Variants in MICAL2 observed in about 807,000 individuals in gnomAD.
MICAL2 encodes microtubule associated monooxygenase, calponin and LIM domain containing 2.
MICAL2 carries 77 observed loss-of-function variants against 127.3 expected under a neutral mutation model. The ratio of observed to expected loss-of-function variants is 0.60; its 90% CI spans 0.50 to 0.73. The LOEUF (loss-of-function observed/expected upper bound fraction) is 0.73, where lower values mean the gene tolerates loss of function less well. MICAL2 is among the 30% of genes least tolerant of loss of function. MICAL2 has a pLI of 0.00. For missense variants in MICAL2, 1,351 were observed against 1,434.4 expected, an observed-to-expected ratio of 0.94 and a Z score of 0.94; for synonymous variants, 570 against 551.1, an observed-to-expected ratio of 1.03 and a Z score of -0.48.
At chr11:12,345,365 G>C (rs1938937806) in intron 32 of MICAL2, among the ~76,000 whole-genome samples, 1 of 152,188 alleles carries the variant, frequency 6.6e-6, no homozygotes, top group South Asian at 2.1e-4. Context: ...TAGCAATGTG[G>C]GCTGGATGAC....
intron 29 of MICAL2, among the ~76,000 whole-genome samples, chr11:12,316,954 C>T (rs763211327): frequency 1.8e-4 from 27 of 152,046 alleles, no homozygotes; most frequent in Admixed American, 9.8e-4. Flanking sequence ...TTTGTTCTAC[C>T]CTGGCTAGGT....
chr11:12,242,071 A>G, intron 18 of MICAL2, 143 bp from the exon 19 acceptor site: 2 of 652,896 alleles, frequency 3.1e-6, no homozygotes, highest in Non-Finnish European at 5.1e-6. Flanking sequence ...GTGGAGAGTC[A>G]ACACCTGGGG....
intron 3 of MICAL2, among the ~76,000 whole-genome samples, chr11:12,196,665 TG>T (rs1484615875): frequency 2.0e-5 from 3 of 152,188 alleles, no homozygotes; most frequent in Non-Finnish European, 4.4e-5. Flanking sequence ...TTACCATCTT[TG>T]TTATTGCTCT....
Position 12,343,957 on chromosome 11 carries a change from A to G in MICAL2, c.5516-5881A>G, listed in dbSNP as rs926822889. Among the ~76,000 whole-genome samples, 5 of 152,324 alleles carry G rather than the reference A, an allele frequency of 3.3e-5. No individual in the cohort carries two copies. The East Asian group carries it at 9.6e-4, about 29-fold the overall frequency. Reference sequence around the variant, plus strand: ...CATAGAACAGTGTCTTGGATGTAGCATTACTCAATCAGAACTTGCTGAATT... The same window carrying G: ...CATAGAACAGTGTCTTGGATGTAGCGTTACTCAATCAGAACTTGCTGAATT... On this transcript the variant is annotated intron_variant, in intron 32 of 34. Transcript: ENST00000646065.
In MICAL2 at chr11:12,192,241, C is replaced by A. The variant is rs541723819; in HGVS notation, c.265-12009C>A. On this transcript the variant is annotated intron_variant, in intron 3 of 27. Coordinates refer to ENST00000683283, the MANE Select transcript of MICAL2 (RefSeq NM_001282663.2). ...TGGACAGTGCACACACGTGCAAGTG[C>A]AGGTGGGCAGGGCAGCTCGCCAGTG... Among the ~76,000 whole-genome samples, 9 of 152,340 alleles carry A rather than the reference C, an allele frequency of 5.9e-5. No homozygotes were observed. In the South Asian group the frequency reaches 1.9e-3, roughly 32 times the overall value.
chr11:12,158,933 G>A (rs541357413), intron 2 of MICAL2, among the ~76,000 whole-genome samples: 2 of 152,320 alleles, frequency 1.3e-5, no homozygotes, highest in South Asian at 4.1e-4. Context: ...ACCCGCCATG[G>A]GTGTTAGAGT....
chr11:12,291,018 A>G (rs754798658), downstream of MICAL2, among the ~76,000 whole-genome samples: 2 of 152,132 alleles, frequency 1.3e-5, no homozygotes, highest in Non-Finnish European at 2.9e-5. Flanking sequence ...GAAAATCTGA[A>G]GGCTACACAC....
chr11:12,222,671 C>T lies in MICAL2; in HGVS notation c.1377C>T (p.Asn459=). 1 of 1,614,276 alleles carries T rather than the reference C, an allele frequency of 6.2e-7. No individual in the cohort carries two copies. The highest frequency in any genetic ancestry group is 8.5e-7 in the Non-Finnish European group (1 of 1,180,046). Residue 459 remains asparagine (N), a synonymous_variant, in exon 11 of 28, where the codon AAC becomes AAT. Coordinates refer to ENST00000683283, the MANE Select transcript of MICAL2 (RefSeq NM_001282663.2). ...CAACCCCGGAGAACATCAACAAGAA[C>T]TTTGAGCAGTACACGTTGGACCCAG... The part of the protein sequence containing the change: ...PQTTPENINK[N]FEQYTLDPGT...
chr11:12,271,704 C>A (rs1410477844), upstream of MICAL2, among the ~76,000 whole-genome samples: 1 of 152,084 alleles, frequency 6.6e-6, no homozygotes, highest in Non-Finnish European at 1.5e-5. Flanking sequence ...TACTGTTATA[C>A]GCACACAGAT....
At chr11:12,314,540 G>A (rs568058727) in intron 29 of MICAL2, among the ~76,000 whole-genome samples, 4 of 151,626 alleles carry the variant, frequency 2.6e-5, no homozygotes, top group African/African-American at 9.7e-5. Context: ...GTGCAGTGGC[G>A]CGATCTCGGC....
chr11:12,197,213 G>A (rs1860046274), intron 3 of MICAL2, among the ~76,000 whole-genome samples: 1 of 152,198 alleles, frequency 6.6e-6, no homozygotes, highest in Non-Finnish European at 1.5e-5. Context: ...GATTAATATA[G>A]GATTGGGATT....
At chr11:12,355,622 G>T (rs989906809) in intron 34 of MICAL2, among the ~76,000 whole-genome samples, 1 of 152,152 alleles carries the variant, frequency 6.6e-6, no homozygotes, top group African/African-American at 2.4e-5. Context: ...CCCAGTATAG[G>T]GCAAGTACTG....
chr11:12,305,074 C>T (rs1864093316), intron 29 of MICAL2, among the ~76,000 whole-genome samples: 1 of 152,116 alleles, frequency 6.6e-6, no homozygotes, highest in African/African-American at 2.4e-5. Flanking sequence ...CCAAGACCCC[C>T]AGTGGATACC....
downstream of MICAL2, chr11:12,292,408 G>T: frequency 8.4e-7 from 1 of 1,184,144 alleles, no homozygotes; most frequent in Non-Finnish European, 1.2e-6. Context: ...CAACCTAAGT[G>T]CAAAGCCAGC....
At chr11:12,341,247 C>G (rs542318846) in intron 32 of MICAL2, among the ~76,000 whole-genome samples, 2 of 152,082 alleles carry the variant, frequency 1.3e-5, no homozygotes, top group African/African-American at 2.4e-5. Flanking sequence ...TTGAAGGCCC[C>G]TAGATCATCA....
At chr11:12,144,094 G>C (rs1304274847) in intron 2 of MICAL2, among the ~76,000 whole-genome samples, 1 of 152,166 alleles carries the variant, frequency 6.6e-6, no homozygotes, top group Non-Finnish European at 1.5e-5. Context: ...TCTATGGAGA[G>C]GAGCAAACCA....
intron 2 of MICAL2, among the ~76,000 whole-genome samples, chr11:12,156,008 G>A (rs1383468098): frequency 6.6e-6 from 1 of 152,242 alleles, no homozygotes; most frequent in Non-Finnish European, 1.5e-5. Flanking sequence ...GACCAGTGGA[G>A]TCTACTAACT....
intron 3 of MICAL2, among the ~76,000 whole-genome samples, chr11:12,186,768 G>T (rs1469315239): frequency 6.6e-6 from 1 of 152,168 alleles, no homozygotes; most frequent in African/African-American, 2.4e-5. Flanking sequence ...GCCATTCAAG[G>T]GTGCCCAGCA....
downstream of MICAL2, among the ~76,000 whole-genome samples, chr11:12,268,758 A>G (rs890457371): frequency 2.2e-4 from 33 of 152,134 alleles, no homozygotes; most frequent in Non-Finnish European, 5.9e-5. Flanking sequence ...TGGGAGGCCA[A>G]GGTGGGCGGA....
Sources: gnomAD v4.1 joint callset for allele counts (sites outside exome capture counted in the v4.1 genomes callset) on GRCh38, gnomAD v4.1.1 for gene constraint, MANE v1.5 for transcripts, NCBI Gene and HGNC (gene_info 2026-07-23, HGNC 2026-07-21) for gene names.